MAP6: variants seen among roughly 807,000 people sequenced by gnomAD.
MAP6 encodes microtubule-associated protein 6.
In MAP6, 26 loss-of-function variants were observed where a neutral mutation model predicts 42.4. The observed-to-expected ratio is 0.61, with a 90% CI of 0.45 to 0.85. MAP6 has a LOEUF of 0.85. Ranked by LOEUF, MAP6 falls within the 40% of genes least tolerant of loss-of-function variation. MAP6 has a pLI of 0.00. For missense variants in MAP6, 966 were observed against 1,099.0 expected, an observed-to-expected ratio of 0.88 and a Z score of 1.71; for synonymous variants, 418 against 443.8, an observed-to-expected ratio of 0.94 and a Z score of 0.73.
chr11:75,628,386 C>G (rs1240876083), intron 1 of MAP6, among the ~76,000 whole-genome samples: 1 of 152,142 alleles, frequency 6.6e-6, no homozygotes, highest in Non-Finnish European at 1.5e-5. Flanking sequence ...GCAAAGCACC[C>G]GCAAGACAAA....
chr11:75,603,446 G>C (rs568917705), intron 3 of MAP6: 8 of 985,762 alleles, frequency 8.1e-6, no homozygotes, highest in African/African-American at 1.7e-5. Context: ...CCAGTAAAGT[G>C]ACACATTCAA....
intron 1 of MAP6, among the ~76,000 whole-genome samples, chr11:75,660,149 C>A (rs1943818429): frequency 6.6e-6 from 1 of 152,172 alleles, no homozygotes. Flanking sequence ...TCATGGATAT[C>A]CCTTCTGCTG....
intron 1 of MAP6, among the ~76,000 whole-genome samples, chr11:75,663,688 G>A (rs17134235): frequency 0.052 from 7,884 of 152,316 alleles, 255 homozygotes; most frequent in East Asian, 0.14. Flanking sequence ...GGAAGGCATC[G>A]CTGTAGACTC....
chr11:75,655,955 T>C (rs1413944163), intron 1 of MAP6, among the ~76,000 whole-genome samples: 1 of 152,260 alleles, frequency 6.6e-6, no homozygotes, highest in East Asian at 1.9e-4. Context: ...AAGGTCATTA[T>C]GAAGTCTACA....
chr11:75,640,851 T>G (rs567317338), intron 1 of MAP6, among the ~76,000 whole-genome samples: 2,407 of 152,186 alleles, frequency 0.016, 54 homozygotes, highest in African/African-American at 0.056. Flanking sequence ...CTGGAGAGGA[T>G]GTGGAGAAAT....
intron 1 of MAP6, among the ~76,000 whole-genome samples, chr11:75,618,599 TAA>T (rs561539674): frequency 6.9e-6 from 1 of 144,790 alleles, no homozygotes; most frequent in Admixed American, 6.9e-5. Context: ...AAGTGAGACT[TAA>T]AAAAAAAAAA....
intron 1 of MAP6, among the ~76,000 whole-genome samples, chr11:75,618,346 C>G (rs1463726330): frequency 6.6e-6 from 1 of 152,076 alleles, no homozygotes; most frequent in Non-Finnish European, 1.5e-5. Context: ...GTGGCTCACG[C>G]CTGTAATCCC....
intron 1 of MAP6, among the ~76,000 whole-genome samples, chr11:75,617,538 A>C (rs1216072160): frequency 1.3e-5 from 2 of 150,944 alleles, no homozygotes; most frequent in African/African-American, 4.9e-5. Context: ...AAAAAAAAAA[A>C]AAACCCAAAA....
At chr11:75,600,224 T>C (rs751390619) in intron 3 of MAP6, among the ~76,000 whole-genome samples, 10 of 152,048 alleles carry the variant, frequency 6.6e-5, no homozygotes, top group Admixed American at 1.3e-4. Flanking sequence ...CTCATTCTGC[T>C]CCTCTGAGGG....
At chr11:75,605,706 C>G in intron 3 of MAP6, 102 bp downstream of exon 3, 4 of 1,538,220 alleles carry the variant, frequency 2.6e-6, no homozygotes, top group South Asian at 1.3e-5. Context: ...TGAGAAGCCT[C>G]TAATTAATTT....
intron 1 of MAP6, among the ~76,000 whole-genome samples, chr11:75,625,820 A>G (rs1943184436): frequency 6.6e-6 from 1 of 152,196 alleles, no homozygotes; most frequent in Admixed American, 6.5e-5. Context: ...CCATGGTTGA[A>G]AATAGGCTTG....
chr11:75,614,595 A>T (rs545824471), intron 1 of MAP6, among the ~76,000 whole-genome samples: 1 of 152,216 alleles, frequency 6.6e-6, no homozygotes, highest in Non-Finnish European at 1.5e-5. Context: ...CCCAAAAGCC[A>T]TGGGGGTGAA....
chr11:75,616,336 C>T (rs537170920), intron 1 of MAP6, among the ~76,000 whole-genome samples: 47 of 152,196 alleles, frequency 3.1e-4, no homozygotes, highest in Admixed American at 2.6e-3. Context: ...TGACATTCCT[C>T]GACTGCTTTA....
intron 1 of MAP6, among the ~76,000 whole-genome samples, chr11:75,653,134 T>C (rs1483357472): frequency 6.6e-6 from 1 of 152,164 alleles, no homozygotes; most frequent in African/African-American, 2.4e-5. Context: ...ATCAGGAAGC[T>C]CTGAGAAGAA....
intron 1 of MAP6, among the ~76,000 whole-genome samples, chr11:75,639,241 A>T (rs1590793763): frequency 6.6e-6 from 1 of 152,226 alleles, no homozygotes; most frequent in South Asian, 2.1e-4. Flanking sequence ...CCTAGACTTC[A>T]CCACTACCTA....
chr11:75,599,961 C>T lies in MAP6; in HGVS notation c.1316+5847G>A, dbSNP rs1055123806. On this transcript the variant is annotated intron_variant, in intron 3 of 3. Coordinates refer to ENST00000304771, the MANE Select transcript of MAP6 (RefSeq NM_033063.2). Reference sequence around the variant, plus strand: ...ACAGAAAGAAACGCTTCATAAGCAACGCATACATATAAATTGTTAGAATAT... The same window carrying T: ...ACAGAAAGAAACGCTTCATAAGCAATGCATACATATAAATTGTTAGAATAT... Among the ~76,000 whole-genome samples the T allele has an allele frequency of 3.3e-5, 5 of 152,302 alleles. 1 individual carries two copies. Among genetic ancestry groups the T allele is most frequent in the South Asian group, 2.1e-4 (1 of 4,830 alleles).
intron 3 of MAP6, chr11:75,603,545 TC>T: frequency 1.0e-6 from 1 of 972,450 alleles, no homozygotes; most frequent in South Asian, 4.8e-5. Flanking sequence ...ATGCTACAGG[TC>T]CTCTAAAGCC....
chr11:75,634,132 G>A (rs1181796832), intron 1 of MAP6, among the ~76,000 whole-genome samples: 1 of 152,142 alleles, frequency 6.6e-6, no homozygotes, highest in Non-Finnish European at 1.5e-5. Context: ...CTTGAGTAGA[G>A]ATACTTGCTG....
At chr11:75,654,408 C>G (rs1943701482) in intron 1 of MAP6, among the ~76,000 whole-genome samples, 1 of 152,176 alleles carries the variant, frequency 6.6e-6, no homozygotes, top group African/African-American at 2.4e-5. Flanking sequence ...TACAGGTACA[C>G]CCCTTCAGGA....
Sources: gnomAD v4.1 joint callset for allele counts (sites outside exome capture counted in the v4.1 genomes callset) on GRCh38, gnomAD v4.1.1 for gene constraint, MANE v1.5 for transcripts, NCBI Gene and HGNC (gene_info 2026-07-23, HGNC 2026-07-21) for gene names.